CNTNAP2: variants seen among roughly 807,000 people sequenced by gnomAD.
The protein encoded by CNTNAP2 is contactin associated protein 2.
In CNTNAP2, 98 loss-of-function variants were observed where a neutral mutation model predicts 155.2. That is an observed-to-expected ratio of 0.63 (90% confidence interval 0.54 to 0.75). The LOEUF is 0.75. Among genes scored for constraint, CNTNAP2 ranks in the 30% least tolerant of loss-of-function variants. CNTNAP2 has a pLI of 0.00. For missense variants in CNTNAP2, 1,727 were observed against 1,688.1 expected, an observed-to-expected ratio of 1.02 and a Z score of -0.40; for synonymous variants, 651 against 631.2, an observed-to-expected ratio of 1.03 and a Z score of -0.47.
intron 10 of CNTNAP2, among the ~76,000 whole-genome samples, chr7:147,436,382 A>T (rs938768244): frequency 5.3e-5 from 8 of 152,194 alleles, no homozygotes; most frequent in African/African-American, 1.9e-4. Context: ...AAAAATTTTT[A>T]ATTTGATGTT....
intron 15 of CNTNAP2, 104 bp from the exon 16 acceptor site, chr7:148,118,014 A>G (rs1804513017): frequency 8.2e-7 from 1 of 1,213,172 alleles, no homozygotes; most frequent in Admixed American, 1.7e-5. Context: ...GAAAATAATG[A>G]CTATTGCTAA....
chr7:148,239,152 A>C (rs1284197305), intron 20 of CNTNAP2, among the ~76,000 whole-genome samples: 1 of 152,232 alleles, frequency 6.6e-6, no homozygotes, highest in East Asian at 1.9e-4. Flanking sequence ...CATGCTTGAC[A>C]GAAGGCAGGC....
rs554172754 is a variant in CNTNAP2, at chr7:146,644,865, G to A, written c.98-129406G>A. ...TAGCTTACCAACCAAAACGAGTCCA[G>A]GACCAGATGGATTCACAGCCGAATT... On this transcript the variant is annotated intron_variant, in intron 1 of 23. Coordinates refer to ENST00000361727, the MANE Select transcript of CNTNAP2 (RefSeq NM_014141.6). Among the ~76,000 whole-genome samples the A allele has an allele frequency of 4.0e-3, 603 of 152,110 alleles. 4 individuals carry two copies. Among genetic ancestry groups the A allele is most frequent in the South Asian group, 0.016 (77 of 4,808 alleles).
At chr7:147,797,095 A>G (rs1304096155) in intron 13 of CNTNAP2, among the ~76,000 whole-genome samples, 1 of 152,096 alleles carries the variant, frequency 6.6e-6, no homozygotes, top group Non-Finnish European at 1.5e-5. Flanking sequence ...ACTTAGTCCC[A>G]CCCTGATACC....
rs533484295 is a variant in CNTNAP2 at position 147,171,858 on chromosome 7, T to C, written c.1348+39349T>C. On this transcript the variant is annotated intron_variant, in intron 8 of 23. Transcript: ENST00000361727. ...CATTTGCCATTCCCTGTAAATTGGGTATTACATCGTGATCATGAAACTTAC... is the reference window on the plus strand; with the variant it reads ...CATTTGCCATTCCCTGTAAATTGGGCATTACATCGTGATCATGAAACTTAC... Among the ~76,000 whole-genome samples the C allele has an allele frequency of 2.0e-5, 3 of 152,160 alleles. No homozygotes were observed. In the East Asian group the frequency reaches 5.8e-4, roughly 29 times the overall value.
chr7:147,996,205 A>G (rs1167603213), intron 15 of CNTNAP2, among the ~76,000 whole-genome samples: 2 of 152,216 alleles, frequency 1.3e-5, no homozygotes. Context: ...CAAACTATAT[A>G]TGGCAAAAAT....
chr7:146,932,117 T>A (rs1475796538), intron 3 of CNTNAP2, among the ~76,000 whole-genome samples: 28 of 151,652 alleles, frequency 1.8e-4, no homozygotes, highest in South Asian at 6.3e-4. Context: ...TACCAAAGCC[T>A]GGCAGAGACA....
At chr7:147,058,648 C>T (rs1048670327) in intron 4 of CNTNAP2, among the ~76,000 whole-genome samples, 4 of 152,180 alleles carry the variant, frequency 2.6e-5, no homozygotes, top group Non-Finnish European at 4.4e-5. Context: ...GCTCTGTCAT[C>T]CAGGCTGGAG....
At chr7:146,295,852 G>A (rs1800505941) in intron 1 of CNTNAP2, among the ~76,000 whole-genome samples, 1 of 149,058 alleles carries the variant, frequency 6.7e-6, no homozygotes, top group Non-Finnish European at 1.5e-5. Context: ...TCCAGCCTGG[G>A]CGACAGAGTG....
intron 13 of CNTNAP2, among the ~76,000 whole-genome samples, chr7:147,795,076 T>C (rs1268916748): frequency 1.3e-5 from 2 of 151,982 alleles, no homozygotes; most frequent in Non-Finnish European, 2.9e-5. Context: ...TTTTCTATAA[T>C]TTATTTTGTA....
intron 10 of CNTNAP2, among the ~76,000 whole-genome samples, chr7:147,475,366 T>C (rs557386598): frequency 6.6e-6 from 1 of 152,302 alleles, no homozygotes; most frequent in African/African-American, 2.4e-5. Context: ...CCATTAAATA[T>C]CAGAGAGATG....
chr7:147,538,670 C>A (rs1017359892), intron 11 of CNTNAP2, among the ~76,000 whole-genome samples: 7 of 152,116 alleles, frequency 4.6e-5, no homozygotes, highest in African/African-American at 1.7e-4. Context: ...TCCCTCCTAT[C>A]TTTGAAATTT....
intron 12 of CNTNAP2, among the ~76,000 whole-genome samples, chr7:147,576,224 T>C (rs1474344029): frequency 6.6e-6 from 1 of 152,146 alleles, no homozygotes; most frequent in East Asian, 1.9e-4. Context: ...TCAGCACTAC[T>C]ACTGCTGTGA....
At chr7:148,076,323 G>A (rs1803483445) in intron 15 of CNTNAP2, among the ~76,000 whole-genome samples, 1 of 149,362 alleles carries the variant, frequency 6.7e-6, no homozygotes, top group Non-Finnish European at 1.5e-5. Flanking sequence ...CACCTCCAAT[G>A]TGTAGGACAA....
intron 1 of CNTNAP2, among the ~76,000 whole-genome samples, chr7:146,760,382 T>C (rs1177840842): frequency 6.8e-6 from 1 of 147,512 alleles, no homozygotes; most frequent in Admixed American, 6.8e-5. Context: ...ACTGCCTTCA[T>C]TCACCTCTGT....
intron 1 of CNTNAP2, among the ~76,000 whole-genome samples, chr7:146,510,203 G>A (rs1797446007): frequency 6.6e-6 from 1 of 152,156 alleles, no homozygotes; most frequent in Non-Finnish European, 1.5e-5. Context: ...ATTTCTCATA[G>A]ACAACAGTAG....
chr7:146,573,379 G>A (rs898887548), intron 1 of CNTNAP2, among the ~76,000 whole-genome samples: 2 of 152,098 alleles, frequency 1.3e-5, no homozygotes, highest in Admixed American at 6.5e-5. Flanking sequence ...CTGACCTCGT[G>A]ATCTGCCTGC....
At chr7:147,752,502 G>A (rs1797151755) in intron 13 of CNTNAP2, among the ~76,000 whole-genome samples, 12 of 152,154 alleles carry the variant, frequency 7.9e-5, no homozygotes, top group Admixed American at 7.2e-4. Flanking sequence ...TGGTCAATAC[G>A]GTGAGCTCCT....
chr7:146,337,245 G>A (rs981650677), intron 1 of CNTNAP2, among the ~76,000 whole-genome samples: 3 of 151,006 alleles, frequency 2.0e-5, no homozygotes, highest in African/African-American at 7.3e-5. Context: ...TCTGGGATAT[G>A]TACAAATTTG....
Sources: allele counts gnomAD v4.1 joint callset (sites outside exome capture counted in the v4.1 genomes callset), GRCh38; gene constraint gnomAD v4.1.1; transcripts MANE v1.5; gene names NCBI Gene and HGNC (gene_info 2026-07-23, HGNC 2026-07-21).